CRBN: variants seen among roughly 807,000 people sequenced by gnomAD.
The protein encoded by CRBN is protein cereblon.
Under a neutral mutation model 62.2 loss-of-function variants are expected in CRBN, and 53 were observed. The ratio of observed to expected loss-of-function variants is 0.85; its 90% CI spans 0.68 to 1.07. The LOEUF (loss-of-function observed/expected upper bound fraction) is 1.07. Among genes scored for constraint, CRBN ranks in the 50% least tolerant of loss-of-function variants. CRBN has a pLI of 0.00. For missense variants in CRBN, 616 were observed against 531.1 expected (o/e 1.16, Z -1.57); for synonymous variants, 208 against 176.1 (o/e 1.18, Z -1.43).
At chr3:3,172,667 A>G (rs542702826) in intron 4 of CRBN, 109 bp downstream of exon 4, 2 of 1,129,240 alleles carry the variant, frequency 1.8e-6, no homozygotes, top group East Asian at 2.4e-5. Flanking sequence ...AAAGAGAACA[A>G]CTAGTTAAAA....
Position 3,151,042 on chromosome 3 carries a change from A to G in CRBN, c.1152T>C (p.Tyr384=). The G allele has an allele frequency of 6.2e-7, 1 of 1,613,834 alleles. No individual in the cohort carries two copies. Among genetic ancestry groups the G allele is most frequent in the Non-Finnish European group, 8.5e-7 (1 of 1,179,854 alleles). ...PSTEHSWFPG[Y]AWTVAQCKIC... Reference sequence around the variant, plus strand: ...TCTTACACTGGGCAACAGTCCAGGCATACCTAAGAAATTAAGGAAAGATAT... The same window carrying G: ...TCTTACACTGGGCAACAGTCCAGGCGTACCTAAGAAATTAAGGAAAGATAT... Residue 384 remains tyrosine (Y), a synonymous_variant, in exon 11 of 11, where the codon TAT becomes TAC. Coordinates refer to ENST00000231948, the MANE Select transcript of CRBN (RefSeq NM_016302.4).
chr3:3,151,689 T>C (rs986684548), intron 10 of CRBN, among the ~76,000 whole-genome samples: 2 of 152,158 alleles, frequency 1.3e-5, no homozygotes, highest in African/African-American at 4.8e-5. Context: ...CCAAGTAAGA[T>C]AGGGCAATCC....
At chr3:3,170,416 G>C (rs1340919990) in intron 4 of CRBN, among the ~76,000 whole-genome samples, 2 of 152,182 alleles carry the variant, frequency 1.3e-5, no homozygotes, top group African/African-American at 2.4e-5. Flanking sequence ...TGGAGAAAGG[G>C]AAGCTGGCTT....
chr3:3,151,304 A>C (rs711626), intron 10 of CRBN, among the ~76,000 whole-genome samples: 3 of 152,278 alleles, frequency 2.0e-5, no homozygotes, highest in East Asian at 1.9e-4. Context: ...AGTAATCTTA[A>C]GAATTTCTTT....
chr3:3,165,446 A>C (rs1707292717), intron 5 of CRBN, among the ~76,000 whole-genome samples: 1 of 152,184 alleles, frequency 6.6e-6, no homozygotes, highest in Admixed American at 6.6e-5. Flanking sequence ...AAATTGCTGT[A>C]GTCACCCCAA....
At position 3,172,618 on chromosome 3, in the gene CRBN, T is replaced by C. The variant is rs145953687; in HGVS notation, c.527+158A>G. ...AAGCTTCCCAGGTGATTCTGATGCA[T>C]AGCAAGGTTGGAAACCACTGGGCTA... is the stretch of plus-strand genomic sequence containing the variant. On this transcript the variant is annotated intron_variant, in intron 4 of 10. Coordinates refer to ENST00000231948, the MANE Select transcript of CRBN (RefSeq NM_016302.4). The C allele has an allele frequency of 8.3e-5, 59 of 714,042 alleles. No individual in the cohort carries two copies. In the African/African-American group the frequency reaches 8.3e-4, roughly 10 times the overall value. 44.2% of individuals were successfully genotyped at this position (714,042 alleles called of 1,614,324 possible). A position where few individuals can be genotyped will look rare whatever the true frequency, so the allele number is the denominator to read the frequency against.
rs1575084155 is a variant in CRBN at position 3,156,271 on chromosome 3, T to G, written c.698A>C (p.His233Pro). The G allele has an allele frequency of 6.2e-7, 1 of 1,613,898 alleles. No individual in the cohort carries two copies. The highest frequency in any genetic ancestry group is 8.5e-7 in the Non-Finnish European group (1 of 1,179,888). ...AGGCCATGAAGTTAGATTTGCACAA[T>G]GAAACTTTCTCTGAAAACAAAACAA... is the stretch of plus-strand genomic sequence containing the variant. The part of the protein sequence containing the change: ...WWQKYQKRKF[H>P]CANLTSWPRW... The change falls in exon 6 of 11, where the codon CAT (histidine) becomes CCT (proline). Residue 233 changes from histidine (H) to proline (P), a missense_variant. His to Pro is a moderately conservative substitution (Grantham distance 77, BLOSUM62 -2). Coordinates refer to ENST00000231948, the MANE Select transcript of CRBN (RefSeq NM_016302.4).
At chr3:3,170,745 A>G (rs79051212) in intron 4 of CRBN, among the ~76,000 whole-genome samples, 4,833 of 152,272 alleles carry the variant, frequency 0.032, 100 homozygotes, top group African/African-American at 0.06. Context: ...TAATGGGTCT[A>G]CAGAATACTA....
intron 6 of CRBN, 88 bp downstream of exon 6, chr3:3,156,131 C>G: frequency 8.9e-7 from 1 of 1,129,084 alleles, no homozygotes; most frequent in Non-Finnish European, 1.3e-6. Flanking sequence ...GCACTAGAAA[C>G]TGGAAAAACT....
chr3:3,170,098 G>A (rs866251192), intron 4 of CRBN, among the ~76,000 whole-genome samples: 33 of 152,222 alleles, frequency 2.2e-4, no homozygotes, highest in Middle Eastern at 6.8e-3. Context: ...TCATGCCTCA[G>A]CCTCCCGAAC....
chr3:3,162,267 C>T (rs1326692481), intron 5 of CRBN, among the ~76,000 whole-genome samples: 1 of 152,162 alleles, frequency 6.6e-6, no homozygotes, highest in African/African-American at 2.4e-5. Context: ...AGGGAATATA[C>T]TTAGAAACAT....
At chr3:3,168,672 T>A (rs1054574887) in intron 4 of CRBN, among the ~76,000 whole-genome samples, 6 of 152,202 alleles carry the variant, frequency 3.9e-5, no homozygotes, top group African/African-American at 1.4e-4. Flanking sequence ...TCTTTCATAA[T>A]AACCACTGTT....
intron 4 of CRBN, among the ~76,000 whole-genome samples, chr3:3,171,633 G>T (rs1707618985): frequency 6.6e-6 from 1 of 152,104 alleles, no homozygotes; most frequent in Non-Finnish European, 1.5e-5. Flanking sequence ...CATCTCACAT[G>T]CCTCTATGCT....
rs1046426034 is a variant in CRBN at position 3,152,594 on chromosome 3, C to G, written c.1017-7G>C. 2 of 1,613,734 alleles carry G rather than the reference C, an allele frequency of 1.2e-6. No homozygotes were observed. The highest frequency in any genetic ancestry group is 1.7e-5 in the Admixed American group (1 of 59,958). Reference sequence around the variant, plus strand: ...CGGCCCACATAAGGATAAACTAAAACAAAGAATCAACATGGAGAACACGTC... The same window carrying G: ...CGGCCCACATAAGGATAAACTAAAAGAAAGAATCAACATGGAGAACACGTC... On this transcript the variant is annotated splice_polypyrimidine_tract_variant and splice_region_variant and intron_variant, in intron 9 of 10. Coordinates refer to ENST00000231948, the MANE Select transcript of CRBN (RefSeq NM_016302.4).
At chr3:3,159,361 C>T (rs192371773) in intron 5 of CRBN, among the ~76,000 whole-genome samples, 198 of 152,270 alleles carry the variant, frequency 1.3e-3, no homozygotes, top group Non-Finnish European at 2.2e-3. Flanking sequence ...TTTAGTTTCG[C>T]TGACACACTC....
intron 10 of CRBN, among the ~76,000 whole-genome samples, chr3:3,152,004 A>G (rs1706592002): frequency 6.6e-6 from 1 of 152,218 alleles, no homozygotes; most frequent in Non-Finnish European, 1.5e-5. Context: ...GACTGACAGA[A>G]AAAAACAATT....
intron 5 of CRBN, among the ~76,000 whole-genome samples, chr3:3,167,048 G>A (rs3804784): frequency 0.17 from 26,183 of 151,806 alleles, 3,343 homozygotes; most frequent in East Asian, 0.71. Flanking sequence ...TCTCACAAAC[G>A]AGTAGAAACA....
chr3:3,152,556 C>T lies in CRBN; in HGVS notation c.1048G>A (p.Val350Met). 2 of 1,614,046 alleles carry T rather than the reference C, an allele frequency of 1.2e-6. No individual in the cohort carries two copies. The highest frequency in any genetic ancestry group is 1.7e-6 in the Non-Finnish European group (2 of 1,180,014). ...TCATGCACATATCCATGAGGATTCA[C>T]ATAAGCTGCCATCGGCCCACATAAG... is the stretch of plus-strand genomic sequence containing the variant. Reference protein sequence around the residue: ...LSLCGPMAAYVNPHGYVHETL... With the variant: ...LSLCGPMAAYMNPHGYVHETL... Residue 350 changes from valine (V) to methionine (M), a missense_variant, in exon 10 of 11, where the codon GTG (valine) becomes ATG (methionine). Coordinates refer to ENST00000231948, the MANE Select transcript of CRBN (RefSeq NM_016302.4).
At position 3,150,837 on chromosome 3, in the gene CRBN, T is replaced by TAATAATTTCCAAAGC. The variant is rs751904531; in HGVS notation, c.*27_*28insGCTTTGGAAATTATT. The TAATAATTTCCAAAGC allele has an allele frequency of 6.4e-7, 1 of 1,559,408 alleles. No homozygotes were observed. Among genetic ancestry groups the TAATAATTTCCAAAGC allele is most frequent in the South Asian group, 1.1e-5 (1 of 89,240 alleles). On this transcript the variant is annotated 3_prime_UTR_variant, in exon 11 of 11. Coordinates refer to ENST00000231948, the MANE Select transcript of CRBN (RefSeq NM_016302.4). ...AGATCTTAGAATATAACCAATTTGT[T>TAATAATTTCCAAAGC]AGATAACTTTATCTCTATCACATCT...
Sources: allele counts gnomAD v4.1 joint callset (sites outside exome capture counted in the v4.1 genomes callset), GRCh38; gene constraint gnomAD v4.1.1; transcripts MANE v1.5; gene names NCBI Gene and HGNC (gene_info 2026-07-23, HGNC 2026-07-21).